Variants in POLA1 observed in about 807,000 individuals in gnomAD.
POLA1 encodes the protein DNA polymerase alpha catalytic subunit.
Under a neutral mutation model 124.0 loss-of-function variants are expected in POLA1, and 15 were observed. That is an observed-to-expected ratio of 0.12 (90% CI 0.08 to 0.19). POLA1 has a LOEUF of 0.19. Among genes scored for constraint, POLA1 ranks in the 10% least tolerant of loss-of-function variants. The probability of loss-of-function intolerance (pLI) is 1.00; values close to 1 mark genes in which losing one functional copy is unlikely to be tolerated. For missense variants in POLA1, 886 were observed against 1,103.4 expected (o/e 0.80, Z 2.79); for synonymous variants, 408 against 389.4 (o/e 1.05, Z -0.56).
chrX:24,988,060 A>G (rs2048497522), intron 36 of POLA1, among the ~76,000 whole-genome samples: 1 of 112,669 alleles, frequency 8.9e-6, no homozygotes, highest in African/African-American at 3.2e-5. Context: ...AGAAGCAACC[A>G]AGCCATGGCC....
At chrX:24,903,945 T>G (rs893931872) in intron 35 of POLA1, among the ~76,000 whole-genome samples, 2 of 106,638 alleles carry the variant, frequency 1.9e-5, no homozygotes, top group African/African-American at 6.9e-5. Context: ...TTCTTTCTTT[T>G]TTTTTTTTAA....
chrX:24,916,318 G>T (rs1047767695), intron 35 of POLA1, among the ~76,000 whole-genome samples: 4 of 99,986 alleles, frequency 4.0e-5, no homozygotes, highest in African/African-American at 1.6e-4. Context: ...GTCTCGCTGT[G>T]TCGCTCAGGC....
chrX:24,977,619 TTTC>T (rs1443091596), intron 36 of POLA1, among the ~76,000 whole-genome samples: 5 of 112,249 alleles, frequency 4.5e-5, no homozygotes, highest in African/African-American at 1.3e-4. Flanking sequence ...TTTTCTTGAA[TTTC>T]TTCTTTGATT....
chrX:24,954,087 T>A (rs113526653), intron 36 of POLA1, among the ~76,000 whole-genome samples: 1 of 112,285 alleles, frequency 8.9e-6, no homozygotes, highest in Non-Finnish European at 1.9e-5. Flanking sequence ...CTGGAGAACC[T>A]TCCACATTAG....
At chrX:24,837,328 G>T (rs1447549651) in intron 32 of POLA1, among the ~76,000 whole-genome samples, 1 of 111,512 alleles carries the variant, frequency 9.0e-6, no homozygotes, top group South Asian at 3.8e-4. Context: ...CAAGATTTTC[G>T]TATAAATGGT....
intron 26 of POLA1, among the ~76,000 whole-genome samples, chrX:24,782,743 G>C (rs891794314): frequency 1.8e-5 from 2 of 111,192 alleles, no homozygotes; most frequent in African/African-American, 6.5e-5. Context: ...TTTGACTTCT[G>C]TTTTTTTATA....
intron 35 of POLA1, among the ~76,000 whole-genome samples, chrX:24,903,482 A>G (rs2047309886): frequency 1.8e-5 from 2 of 112,190 alleles, no homozygotes; most frequent in Admixed American, 1.9e-4. Context: ...AAACGTTTTG[A>G]AACAATGGGT....
chrX:24,727,739 T>C (rs768129763), intron 14 of POLA1, 43 bp from the exon 15 acceptor site: 1 of 1,090,167 alleles, frequency 9.2e-7, no homozygotes, highest in Admixed American at 2.5e-5. Context: ...GTTTTTCTTT[T>C]TCAGTAAATA....
chrX:24,705,636 G>A (rs911006172), intron 4 of POLA1, among the ~76,000 whole-genome samples: 11 of 111,436 alleles, frequency 9.9e-5, no homozygotes, highest in African/African-American at 3.3e-4. Context: ...TTTAAATGCA[G>A]ACTCCATTTT....
intron 26 of POLA1, among the ~76,000 whole-genome samples, chrX:24,767,710 T>G (rs1057340443): frequency 2.7e-5 from 3 of 111,690 alleles, no homozygotes; most frequent in Non-Finnish European, 3.8e-5. Flanking sequence ...TGTACTGAAC[T>G]GAGAAAATCT....
At chrX:24,696,953 T>G (rs1928050737) in intron 1 of POLA1, among the ~76,000 whole-genome samples, 1 of 111,534 alleles carries the variant, frequency 9.0e-6, no homozygotes, top group African/African-American at 3.3e-5. Context: ...CTTTGTTCTC[T>G]GTGAAATTTG....
intron 18 of POLA1, among the ~76,000 whole-genome samples, chrX:24,736,984 G>A (rs764278459): frequency 1.8e-5 from 2 of 111,883 alleles, no homozygotes; most frequent in South Asian, 3.7e-4. Context: ...TCATGTTCAC[G>A]TGTTGGAAAT....
intron 34 of POLA1, among the ~76,000 whole-genome samples, chrX:24,869,938 G>A (rs1158400626): frequency 1.8e-5 from 2 of 112,095 alleles, no homozygotes; most frequent in East Asian, 5.6e-4. Context: ...CTTGCCCTTA[G>A]CATTCATTTT....
intron 36 of POLA1, among the ~76,000 whole-genome samples, chrX:24,981,410 A>G (rs2048418895): frequency 8.9e-6 from 1 of 112,380 alleles, no homozygotes; most frequent in African/African-American, 3.2e-5. Context: ...TTATTTTGCC[A>G]TCAAACCAAA....
At chrX:24,766,312 C>G (rs1932902244) in intron 26 of POLA1, among the ~76,000 whole-genome samples, 1 of 112,190 alleles carries the variant, frequency 8.9e-6, no homozygotes. Context: ...CAGCTGTGAG[C>G]TCCATTGGGG....
At chrX:24,721,187 T>C (rs1930177877) in intron 10 of POLA1, among the ~76,000 whole-genome samples, 1 of 113,041 alleles carries the variant, frequency 8.8e-6, no homozygotes, top group African/African-American at 3.2e-5. Context: ...GTCATCCAAA[T>C]GCTAAGGCAG....
intron 35 of POLA1, among the ~76,000 whole-genome samples, chrX:24,891,685 T>A (rs763275238): frequency 5.4e-4 from 60 of 111,921 alleles, no homozygotes; most frequent in Non-Finnish European, 9.6e-4. Context: ...AATAATTATT[T>A]ATTAAACAAC....
At chrX:24,806,397 T>C in intron 26 of POLA1, among the ~76,000 whole-genome samples, 1 of 110,096 alleles carries the variant, frequency 9.1e-6, no homozygotes. Context: ...TGAGGGCAGC[T>C]TTGGAGTGTT....
At chrX:24,924,585 G>C (rs948415429) in intron 35 of POLA1, among the ~76,000 whole-genome samples, 5 of 111,893 alleles carry the variant, frequency 4.5e-5, no homozygotes, top group Non-Finnish European at 9.4e-5. Context: ...CCTGGGGTGG[G>C]AGCTGTAGGT....
Sources: allele counts gnomAD v4.1 joint callset (sites outside exome capture counted in the v4.1 genomes callset), GRCh38; gene constraint gnomAD v4.1.1; transcripts MANE v1.5; gene names NCBI Gene and HGNC (gene_info 2026-07-23, HGNC 2026-07-21).